Variants in IBSP observed in about 807,000 individuals in gnomAD.
IBSP encodes integrin binding sialoprotein.
In IBSP, 19 loss-of-function variants were observed where a neutral mutation model predicts 25.5. The observed-to-expected ratio is 0.74, with a 90% CI of 0.52 to 1.09. The LOEUF (loss-of-function observed/expected upper bound fraction) is 1.09, where lower values mean the gene tolerates loss of function less well. IBSP is among the 50% of genes least tolerant of loss of function. IBSP has a pLI of 0.00. For missense variants in IBSP, 360 were observed against 382.3 expected (o/e 0.94, Z 0.49); for synonymous variants, 144 against 137.6 (o/e 1.05, Z -0.33).
chr4:87,802,817 C>T, intron 4 of IBSP, 86 bp downstream of exon 4: 1 of 825,552 alleles, frequency 1.2e-6, no homozygotes, highest in Non-Finnish European at 1.8e-6. Context: ...CACCTAAATT[C>T]AACTCTCACT....
At chr4:87,805,461 A>T (rs1290680113) in intron 4 of IBSP, among the ~76,000 whole-genome samples, 2 of 152,186 alleles carry the variant, frequency 1.3e-5, no homozygotes, top group Non-Finnish European at 2.9e-5. Flanking sequence ...CACATGTATA[A>T]ATTAACCTCA....
At chr4:87,808,689 A>G (rs573511564) in intron 5 of IBSP, among the ~76,000 whole-genome samples, 1 of 152,280 alleles carries the variant, frequency 6.6e-6, no homozygotes, top group South Asian at 2.1e-4. Flanking sequence ...CTGTTTTTGT[A>G]TATTATGAAT....
At position 87,806,784 on chromosome 4, in the gene IBSP, C is replaced by A. The variant is rs572879075; in HGVS notation, c.246+600C>A. The stretch of plus-strand genomic sequence containing the variant: ...CTCTGAGAGGCCAAGGCGGCCAGAT[C>A]ACTTGAGGTCAGGAGTTTGAGACCA... On this transcript the variant is annotated intron_variant, in intron 5 of 6. Coordinates refer to ENST00000226284, the MANE Select transcript of IBSP (RefSeq NM_004967.4). Among the ~76,000 whole-genome samples the A allele has an allele frequency of 2.0e-5, 3 of 152,220 alleles. No individual in the cohort carries two copies. The East Asian group carries it at 5.8e-4, about 29-fold the overall frequency.
At chr4:87,804,383 A>G (rs1333190598) in intron 4 of IBSP, among the ~76,000 whole-genome samples, 1 of 152,192 alleles carries the variant, frequency 6.6e-6, no homozygotes, top group Non-Finnish European at 1.5e-5. Context: ...TTACAATGAC[A>G]TATGTTATTT....
intron 5 of IBSP, among the ~76,000 whole-genome samples, chr4:87,807,552 G>A (rs1297317295): frequency 6.6e-6 from 1 of 152,116 alleles, no homozygotes; most frequent in Non-Finnish European, 1.5e-5. Flanking sequence ...CTAGGCTAAG[G>A]TTATCCATTT....
At chr4:87,804,179 C>T (rs1722061024) in intron 4 of IBSP, among the ~76,000 whole-genome samples, 1 of 152,114 alleles carries the variant, frequency 6.6e-6, no homozygotes, top group African/African-American at 2.4e-5. Context: ...CAATATATCT[C>T]CCAATCCTAC....
Position 87,811,727 on chromosome 4 carries a change from T to A in IBSP, c.771T>A (p.Val257=). The part of the protein sequence containing the change: ...TSPPFGKTTT[V]EYEGEYEYTG... Reference sequence around the variant, plus strand: ...CACCTTTTGGGAAAACCACCACCGTTGAATACGAGGGGGAGTACGAATACA... The same window carrying A: ...CACCTTTTGGGAAAACCACCACCGTAGAATACGAGGGGGAGTACGAATACA... The change falls in exon 7 of 7, where the codon GTT becomes GTA. Residue 257 remains valine, a synonymous_variant. Transcript: ENST00000226284. 2 of 1,614,022 alleles carry A rather than the reference T, an allele frequency of 1.2e-6. No individual in the cohort carries two copies. Among genetic ancestry groups the A allele is most frequent in the South Asian group, 2.2e-5 (2 of 91,066 alleles).
At chr4:87,802,618 T>G in intron 3 of IBSP, 36 bp from the exon 4 acceptor site, 2 of 1,569,292 alleles carry the variant, frequency 1.3e-6, no homozygotes, top group Non-Finnish European at 1.7e-6. Flanking sequence ...TTATTGCATA[T>G]TAAACATGAA....
rs1447574484 is a variant in IBSP at position 87,802,414 on chromosome 4, C to T, written c.53C>T (p.Ser18Leu). 1.2e-6 allele frequency: 2 copies of T among 1,608,286 alleles called. No homozygotes were observed. The highest frequency in any genetic ancestry group is 2.2e-5 in the East Asian group (1 of 44,732). ...LSILGMACAFSMKNLHRRVKI... is the reference protein window; with the variant it reads ...LSILGMACAFLMKNLHRRVKI... ...ATTTTGGGAATGGCCTGTGCTTTCT[C>T]AGTAAGTTCTTTATCAAAACCCACA... Residue 18 changes from serine (S) to leucine (L), a missense_variant and splice_region_variant, in exon 2 of 7, where the codon TCA (serine) becomes TTA (leucine). Transcript: ENST00000226284.
At chr4:87,807,882 A>T (rs1158705357) in intron 5 of IBSP, among the ~76,000 whole-genome samples, 3 of 152,196 alleles carry the variant, frequency 2.0e-5, no homozygotes, top group Non-Finnish European at 2.9e-5. Context: ...TCTTATACAT[A>T]TATGGTGCCC....
intron 4 of IBSP, among the ~76,000 whole-genome samples, chr4:87,805,799 A>T (rs1336955402): frequency 6.6e-6 from 1 of 152,204 alleles, no homozygotes; most frequent in African/African-American, 2.4e-5. Context: ...TCTGTGATTC[A>T]TTGCCCTAGT....
intron 5 of IBSP, among the ~76,000 whole-genome samples, chr4:87,808,183 AC>A (rs755596949): frequency 6.7e-6 from 1 of 150,298 alleles, no homozygotes; most frequent in Non-Finnish European, 1.5e-5. Context: ...CATAAAATAA[AC>A]TTTTTTTTTT....
Position 87,811,734 on chromosome 4 carries a change from G to A in IBSP, c.778G>A (p.Glu260Lys), listed in dbSNP as rs145433847. 3.3e-5 allele frequency: 54 copies of A among 1,613,944 alleles called. No homozygotes were observed. The highest frequency in any genetic ancestry group is 3.9e-5 in the Non-Finnish European group (46 of 1,180,012). The change falls in exon 7 of 7, where the codon GAG (glutamate) becomes AAG (lysine). Residue 260 changes from glutamate (E) to lysine (K), a missense_variant. By Grantham distance (56) the Glu-to-Lys change is moderately conservative. Coordinates refer to ENST00000226284, the MANE Select transcript of IBSP (RefSeq NM_004967.4). ...TGGGAAAACCACCACCGTTGAATAC[G>A]AGGGGGAGTACGAATACACGGGCGC... ...PFGKTTTVEY[E>K]GEYEYTGANE...
chr4:87,805,718 C>T (rs577148761), intron 4 of IBSP, among the ~76,000 whole-genome samples: 390 of 152,184 alleles, frequency 2.6e-3, no homozygotes, highest in African/African-American at 8.9e-3. Context: ...TTTTTTAGGC[C>T]GCTGATTCAT....
At chr4:87,808,620 A>C (rs987960424) in intron 5 of IBSP, among the ~76,000 whole-genome samples, 1 of 152,210 alleles carries the variant, frequency 6.6e-6, no homozygotes, top group South Asian at 2.1e-4. Context: ...CATTCCACTC[A>C]TTAACAAACC....
At position 87,811,432 on chromosome 4, in the gene IBSP, G is replaced by A. The variant is rs2110058671; in HGVS notation, c.476G>A (p.Gly159Glu). The A allele has an allele frequency of 1.2e-6, 2 of 1,613,472 alleles. No homozygotes were observed. Among genetic ancestry groups the A allele is most frequent in the Non-Finnish European group, 1.7e-6 (2 of 1,179,598 alleles). Residue 159 changes from glycine (G) to glutamate (E), a missense_variant, in exon 7 of 7, where the codon GGA (glycine) becomes GAA (glutamate). Coordinates refer to ENST00000226284, the MANE Select transcript of IBSP (RefSeq NM_004967.4). ...GAAGAAGAAGAGGAGGAAGAGGAAG[G>A]AAATGAAAACGAAGAAAGCGAAGCA... ...SDEEEEEEEE[G>E]NENEESEAEV...
intron 4 of IBSP, 28 bp from the exon 5 acceptor site, chr4:87,806,094 G>A (rs1722083761): frequency 6.7e-7 from 1 of 1,494,800 alleles, no homozygotes; most frequent in Non-Finnish European, 9.3e-7. Context: ...ACAGATAAGA[G>A]TATACATACA....
chr4:87,810,146 C>T (rs1258213039), intron 5 of IBSP, among the ~76,000 whole-genome samples: 1 of 152,132 alleles, frequency 6.6e-6, no homozygotes, highest in Non-Finnish European at 1.5e-5. Flanking sequence ...ATCGCTTGAA[C>T]CCAGGAGGCA....
Position 87,802,745 on chromosome 4 carries a change from T to A in IBSP, c.183+14T>A, listed in dbSNP as rs1355017604. On this transcript the variant is annotated intron_variant, in intron 4 of 6. Coordinates refer to ENST00000226284, the MANE Select transcript of IBSP (RefSeq NM_004967.4). ...TTTCCAGTTCAGGTAAATATAGAAA[T>A]TCATTTTTCTTCAGTTTAATTTCTA... The A allele has an allele frequency of 1.4e-6, 2 of 1,447,482 alleles. No homozygotes were observed. Among genetic ancestry groups the A allele is most frequent in the Non-Finnish European group, 1.8e-6 (2 of 1,085,116 alleles). The allele number at this position is 1,447,482 out of a possible 1,614,324, so 89.7% of individuals were successfully genotyped here.
Sources: gnomAD v4.1 joint callset for allele counts (sites outside exome capture counted in the v4.1 genomes callset) on GRCh38, gnomAD v4.1.1 for gene constraint, MANE v1.5 for transcripts, NCBI Gene and HGNC (gene_info 2026-07-23, HGNC 2026-07-21) for gene names.